The following PAK3 variants were observed in gnomAD, a reference collection of about 807,000 sequenced individuals.
PAK3 encodes the protein p21 (RAC1) activated kinase 3.
Under a neutral mutation model 41.0 loss-of-function variants are expected in PAK3, and 4 were observed. The observed-to-expected ratio is 0.10, with a 90% CI of 0.05 to 0.22. The LOEUF is 0.22. Ranked by LOEUF, PAK3 falls within the 10% of genes least tolerant of loss-of-function variation. The pLI, the probability that PAK3 is intolerant of heterozygous loss-of-function variation, is 1.00. For missense variants in PAK3, 205 were observed against 409.9 expected, an observed-to-expected ratio of 0.50 and a Z score of 4.32; for synonymous variants, 146 against 139.6, an observed-to-expected ratio of 1.05 and a Z score of -0.32.
In PAK3 at chrX:111,160,636, T is replaced by A. The variant is rs78755532; in HGVS notation, c.469-2279T>A. ...CCCCGCTCCCCCCACCCCACAACAG[T>A]CCCCGGTGTGTGATGTTCCCCTTCC... On this transcript the variant is annotated intron_variant, in intron 8 of 17. Coordinates refer to ENST00000372007, the MANE Select transcript of PAK3 (RefSeq NM_002578.5). 2.8e-4 allele frequency among the ~76,000 whole-genome samples: 30 copies of A among 106,956 alleles called. 1 individual carries two copies. Among genetic ancestry groups the A allele is most frequent in the East Asian group, 3.0e-4 (1 of 3,361 alleles). 92.9% of individuals were successfully genotyped at this position (106,956 alleles called of 115,157 possible).
chrX:111,178,980 T>TAGAGAGAGAGAGAGAC (rs1556239020), intron 11 of PAK3, among the ~76,000 whole-genome samples: 12 of 91,613 alleles, frequency 1.3e-4, no homozygotes, highest in Admixed American at 3.8e-4. Flanking sequence ...TATATATATA[T>TAGAGAGAGAGAGAGAC]AGAGAGAGAG....
At chrX:111,094,417 C>T (rs1424343891), upstream of PAK3, among the ~76,000 whole-genome samples, 1 of 111,174 alleles carries the variant, frequency 9.0e-6, no homozygotes, top group Non-Finnish European at 1.9e-5. Context: ...CCACTTTCTA[C>T]AATGTTAATG....
At chrX:111,020,213 C>G (rs991948208) in intron 1 of PAK3, among the ~76,000 whole-genome samples, 5 of 111,541 alleles carry the variant, frequency 4.5e-5, no homozygotes, top group Admixed American at 2.8e-4. Context: ...TGTTACTCAT[C>G]CTTTGAAAGG....
At chrX:111,120,696 C>T (rs1346481646) in intron 4 of PAK3, among the ~76,000 whole-genome samples, 1 of 111,600 alleles carries the variant, frequency 9.0e-6, no homozygotes, top group Non-Finnish European at 1.9e-5. Context: ...GTGAGACACT[C>T]TTTTTAGAAA....
At chrX:110,955,010 G>A (rs1378358891) in intron 1 of PAK3, among the ~76,000 whole-genome samples, 2 of 111,177 alleles carry the variant, frequency 1.8e-5, no homozygotes, top group African/African-American at 6.6e-5. Flanking sequence ...GTCATTGGCT[G>A]GGATTATTGG....
intron 1 of PAK3, among the ~76,000 whole-genome samples, chrX:111,020,625 AC>A (rs1242780880): frequency 9.0e-6 from 1 of 111,625 alleles, no homozygotes. Context: ...TACCACAGGA[AC>A]ATACCAGGGA....
chrX:111,146,504 A>C (rs763363789), intron 6 of PAK3: 1 of 1,087,019 alleles, frequency 9.2e-7, no homozygotes, highest in Non-Finnish European at 1.3e-6. Context: ...TTCTTTCTTT[A>C]TTTACGTCCA....
At chrX:110,972,397 C>T (rs1051020002) in intron 1 of PAK3, among the ~76,000 whole-genome samples, 14 of 111,761 alleles carry the variant, frequency 1.3e-4, no homozygotes, top group South Asian at 7.5e-4. Flanking sequence ...CTGCAGCCTC[C>T]GCTGGAGATA....
chrX:110,960,125 A>G (rs1006473366), intron 1 of PAK3, among the ~76,000 whole-genome samples: 3 of 111,663 alleles, frequency 2.7e-5, no homozygotes, highest in African/African-American at 9.8e-5. Context: ...AACATTCTGG[A>G]CTTATGGTTC....
chrX:111,014,542 C>T (rs377495788), intron 1 of PAK3, among the ~76,000 whole-genome samples: 1 of 111,323 alleles, frequency 9.0e-6, no homozygotes, highest in East Asian at 2.9e-4. Context: ...GTTTAAAATG[C>T]CTTTGCTTGC....
intron 5 of PAK3, among the ~76,000 whole-genome samples, chrX:111,131,395 T>G (rs765214579): frequency 9.0e-6 from 1 of 111,486 alleles, no homozygotes; most frequent in Admixed American, 9.5e-5. Flanking sequence ...AGATGCTAAG[T>G]TTATGCCAGA....
At chrX:111,113,778 C>T (rs904685238) in intron 4 of PAK3, among the ~76,000 whole-genome samples, 1 of 110,249 alleles carries the variant, frequency 9.1e-6, no homozygotes, top group Admixed American at 9.7e-5. Context: ...CTCCCCACTT[C>T]CCCCACCCCA....
chrX:111,068,599 A>G (rs1603091630), intron 1 of PAK3, among the ~76,000 whole-genome samples: 1 of 112,580 alleles, frequency 8.9e-6, no homozygotes. Flanking sequence ...ACTGTGCCCG[A>G]CCCATGGGTC....
intron 1 of PAK3, among the ~76,000 whole-genome samples, chrX:111,086,986 C>T (rs987097609): frequency 9.0e-6 from 1 of 110,926 alleles, no homozygotes; most frequent in East Asian, 2.8e-4. Context: ...CGTGTGTTAG[C>T]GTACTCTCCT....
intron 1 of PAK3, among the ~76,000 whole-genome samples, chrX:111,005,216 G>A (rs945295357): frequency 9.0e-6 from 1 of 111,298 alleles, no homozygotes; most frequent in Non-Finnish European, 1.9e-5. Context: ...TGGCTGCAGT[G>A]ACACAGATGT....
At chrX:111,084,208 A>G (rs1334346973) in intron 1 of PAK3, among the ~76,000 whole-genome samples, 1 of 111,662 alleles carries the variant, frequency 9.0e-6, no homozygotes, top group African/African-American at 3.3e-5. Context: ...TGTTTGTCCT[A>G]TTTTTCTTGC....
rs1256574824 is a variant in PAK3, at chrX:111,222,181, C to G, written c.*1734C>G. On this transcript the variant is annotated 3_prime_UTR_variant, in exon 18 of 18. Coordinates refer to ENST00000372007, the MANE Select transcript of PAK3 (RefSeq NM_002578.5). Reference sequence around the variant, plus strand: ...AATCTAAACAGAACTTATGTACATTCAGCCAGAAGGGGAAAGAGATCAGTT... The same window carrying G: ...AATCTAAACAGAACTTATGTACATTGAGCCAGAAGGGGAAAGAGATCAGTT... 1 of 112,135 alleles carries G rather than the reference C, an allele frequency of 8.9e-6. No individual in the cohort carries two copies. Among genetic ancestry groups the G allele is most frequent in the Non-Finnish European group, 1.9e-5 (1 of 53,193 alleles). 9.2% of individuals were successfully genotyped at this position (112,135 alleles called of 1,213,427 possible).
intron 1 of PAK3, among the ~76,000 whole-genome samples, chrX:110,974,106 A>T (rs988551670): frequency 3.6e-5 from 4 of 111,395 alleles, no homozygotes; most frequent in African/African-American, 1.3e-4. Flanking sequence ...CTCCCACACA[A>T]TAATAATGGG....
intron 16 of PAK3, among the ~76,000 whole-genome samples, chrX:111,206,301 C>A (rs1278674278): frequency 9.0e-6 from 1 of 111,716 alleles, no homozygotes; most frequent in African/African-American, 3.3e-5. Context: ...TACCTACCCA[C>A]ATCCCTACTT....
Sources: allele counts gnomAD v4.1 joint callset (sites outside exome capture counted in the v4.1 genomes callset), GRCh38; gene constraint gnomAD v4.1.1; transcripts MANE v1.5; gene names NCBI Gene and HGNC (gene_info 2026-07-23, HGNC 2026-07-21).